Variants in ZDHHC19 observed in about 807,000 individuals in gnomAD.
ZDHHC19 encodes palmitoyltransferase ZDHHC19.
Under a neutral mutation model 33.9 loss-of-function variants are expected in ZDHHC19, and 30 were observed. The ratio of observed to expected loss-of-function variants is 0.88; its 90% CI spans 0.66 to 1.20. The LOEUF is 1.20. ZDHHC19 is among the 50% of genes most tolerant of loss of function. ZDHHC19 has a pLI of 0.00. For synonymous variants in ZDHHC19, 178 were observed against 167.6 expected (o/e 1.06, Z -0.48); for missense variants, 364 against 401.1 (o/e 0.91, Z 0.79).
At chr3:196,207,808 C>G (rs1317049034) in intron 4 of ZDHHC19, among the ~76,000 whole-genome samples, 2 of 111,364 alleles carry the variant, frequency 1.8e-5, no homozygotes, top group Middle Eastern at 8.1e-3. Context: ...CCCACCCGCC[C>G]CGTCCCCTGG....
intron 5 of ZDHHC19, among the ~76,000 whole-genome samples, chr3:196,201,717 T>G (rs1676154788): frequency 6.6e-6 from 1 of 151,578 alleles, no homozygotes; most frequent in African/African-American, 2.4e-5. Context: ...TGAGACTCTG[T>G]CTCAAAAAAT....
Position 196,208,480 on chromosome 3 carries a change from G to T in ZDHHC19, c.489C>A (p.Ser163=). Residue 163 remains serine (S), a synonymous_variant, in exon 4 of 8, where the codon TCC becomes TCA. Transcript: ENST00000296326. ...GCATGGCGCCCGAGTAGAGGCACAG[G>T]GACAGGACAAGCAGCATGAAGAAGC... ...NFRFFMLLVL[S]LCLYSGAMLV... is the part of the protein sequence containing the mutation. The T allele has an allele frequency of 6.2e-7, 1 of 1,614,184 alleles. No individual in the cohort carries two copies. The highest frequency in any genetic ancestry group is 8.5e-7 in the Non-Finnish European group (1 of 1,180,026).
At chr3:196,205,831 T>C (rs998538423) in intron 5 of ZDHHC19, among the ~76,000 whole-genome samples, 1 of 152,142 alleles carries the variant, frequency 6.6e-6, no homozygotes, top group Non-Finnish European at 1.5e-5. Context: ...GGCTAATTTT[T>C]GTATTTTTTG....
intron 1 of ZDHHC19, 64 bp downstream of exon 1, chr3:196,211,106 A>G (rs13079891): frequency 0.3 from 484,448 of 1,610,944 alleles, 76,291 homozygotes; most frequent in East Asian, 0.47. Flanking sequence ...CCTCCATCCT[A>G]TCATCTTCTG....
chr3:196,207,551 G>GC (rs1577327484), intron 4 of ZDHHC19, 48 bp from the exon 5 acceptor site: 4 of 1,290,324 alleles, frequency 3.1e-6, no homozygotes, highest in East Asian at 6.7e-5. Context: ...GCCTGGCCCC[G>GC]CCCCCCAGGC....
At chr3:196,205,525 G>T (rs998780989) in intron 5 of ZDHHC19, among the ~76,000 whole-genome samples, 1 of 152,154 alleles carries the variant, frequency 6.6e-6, no homozygotes, top group Non-Finnish European at 1.5e-5. Flanking sequence ...CTGATTTTTG[G>T]GTGGGATGGA....
chr3:196,197,865 C>T lies in ZDHHC19; in HGVS notation c.*20-140G>A, dbSNP rs1259868488. 6.3e-6 allele frequency: 1 copy of T among 158,806 alleles called. No homozygotes were observed. Among genetic ancestry groups the T allele is most frequent in the Non-Finnish European group, 1.4e-5 (1 of 72,834 alleles). 9.8% of individuals were successfully genotyped at this position (158,806 alleles called of 1,614,324 possible). ...AGAGGCCCCGGGGCGCAGGGGTTGCCCAGCCCCACGGTGGCCTCCTGATGC... is the reference window on the plus strand; with the variant it reads ...AGAGGCCCCGGGGCGCAGGGGTTGCTCAGCCCCACGGTGGCCTCCTGATGC... On this transcript the variant is annotated intron_variant, in intron 7 of 7. Coordinates refer to ENST00000296326, the MANE Select transcript of ZDHHC19 (RefSeq NM_001039617.2). This position sits in a 1 kb window ranked among gnomAD's most constrained non-coding sequence, Gnocchi z 4.4.
intron 5 of ZDHHC19, among the ~76,000 whole-genome samples, chr3:196,205,595 A>G (rs1722667830): frequency 6.6e-6 from 1 of 152,358 alleles, no homozygotes; most frequent in East Asian, 1.9e-4. Context: ...GTCAGAACTC[A>G]TACTGTATAC....
Position 196,207,473 on chromosome 3 carries a change from G to C in ZDHHC19, c.612C>G (p.Leu204=). 1 of 1,570,522 alleles carries C rather than the reference G, an allele frequency of 6.4e-7. No homozygotes were observed. The highest frequency in any genetic ancestry group is 8.6e-7 in the Non-Finnish European group (1 of 1,158,860). Residue 204 remains leucine, a synonymous_variant, in exon 5 of 8, where the codon CTC becomes CTG. Transcript: ENST00000296326. ...GCAGCAGGAGGGACAGCGGCACCAG[G>C]AGGCCCGCGGCGGACACGGCCACCA... is the stretch of plus-strand genomic sequence containing the variant. ...AIVVAVSAAG[L]LVPLSLLLLI...
intron 5 of ZDHHC19, among the ~76,000 whole-genome samples, chr3:196,201,698 A>G (rs1038161106): frequency 3.3e-5 from 5 of 151,956 alleles, no homozygotes; most frequent in East Asian, 1.9e-4. Context: ...TCCAGCCTGG[A>G]CGACAGAGTG....
Position 196,209,394 on chromosome 3 carries a change from C to G in ZDHHC19, c.390G>C (p.Trp130Cys), listed in dbSNP as rs550075729. The G allele has an allele frequency of 6.2e-7, 1 of 1,603,948 alleles. No homozygotes were observed. The highest frequency in any genetic ancestry group is 8.5e-7 in the Non-Finnish European group (1 of 1,175,722). ...HRPPRTYHCP[W>C]CNICVEDFDH... ...CACTCACCTCCACACAGATGTTGCA[C>G]CAGGGGCAGTGGTAAGTCCGGGGCG... The change falls in exon 3 of 8, where the codon TGG becomes TGC. Residue 130 changes from tryptophan (W) to cysteine (C), a missense_variant. Physicochemically the swap from Trp to Cys is radical, Grantham distance 215. Coordinates refer to ENST00000296326, the MANE Select transcript of ZDHHC19 (RefSeq NM_001039617.2).
At chr3:196,208,684 C>T (rs1171924572) in intron 3 of ZDHHC19, 124 bp from the exon 4 acceptor site, 1 of 1,143,036 alleles carries the variant, frequency 8.7e-7, no homozygotes, top group South Asian at 1.6e-5. Context: ...GCACTGGCTT[C>T]CACCCCCAGG....
At chr3:196,210,780 A>C in intron 1 of ZDHHC19, 43 bp from the exon 2 acceptor site, 2 of 1,601,792 alleles carry the variant, frequency 1.2e-6, no homozygotes. Context: ...GGGCAGCCCA[A>C]AGCCCCCGGC....
Position 196,200,416 on chromosome 3 carries a change from G to A in ZDHHC19, c.688-1542C>T, listed in dbSNP as rs1190220297. ...GTCACCCAGGCTGGAGTGCAGTGGC[G>A]CGATCTCAGCTCACTGCAAGCTCCG... On this transcript the variant is annotated intron_variant, in intron 5 of 7. Transcript: ENST00000296326. 1.6e-4 allele frequency among the ~76,000 whole-genome samples: 23 copies of A among 140,930 alleles called. 1 individual carries two copies. The highest frequency in any genetic ancestry group is 4.0e-4 in the African/African-American group (15 of 37,732). The allele number at this position is 140,930 out of a possible 152,430, so 92.5% of individuals were successfully genotyped here.
intron 5 of ZDHHC19, 148 bp from the exon 6 acceptor site, chr3:196,199,022 C>A: frequency 1.5e-6 from 1 of 660,542 alleles, no homozygotes; most frequent in Non-Finnish European, 2.7e-6. Flanking sequence ...AAGGACCTCC[C>A]CACCACTGCC....
chr3:196,207,374 C>G (rs773549565), intron 5 of ZDHHC19, 24 bp downstream of exon 5: 5 of 1,545,194 alleles, frequency 3.2e-6, no homozygotes, highest in Non-Finnish European at 4.4e-6. Flanking sequence ...GAGGTGCAAG[C>G]TGACCACCCG....
chr3:196,201,650 G>T (rs1029570822), intron 5 of ZDHHC19, among the ~76,000 whole-genome samples: 2 of 152,046 alleles, frequency 1.3e-5, no homozygotes, highest in African/African-American at 4.8e-5. Context: ...GAACCTAGGA[G>T]GTGGAGGTTG....
intron 6 of ZDHHC19, 41 bp downstream of exon 6, chr3:196,198,748 C>A: frequency 1.9e-6 from 3 of 1,610,396 alleles, no homozygotes; most frequent in Non-Finnish European, 2.5e-6. Flanking sequence ...TCTGCCCCAC[C>A]CCCAGGGTTC....
Position 196,208,462 on chromosome 3 carries a change from G to T in ZDHHC19, c.507C>A (p.Gly169=). The change falls in exon 4 of 8, where the codon GGC becomes GGA. Residue 169 remains glycine (G), a synonymous_variant. Coordinates refer to ENST00000296326, the MANE Select transcript of ZDHHC19 (RefSeq NM_001039617.2). ...AGATGAGACAGGTGACCAGCATGGC[G>T]CCCGAGTAGAGGCACAGGGACAGGA... is the stretch of plus-strand genomic sequence containing the variant. ...LLVLSLCLYS[G]AMLVTCLIFL... The T allele has an allele frequency of 6.2e-7, 1 of 1,614,166 alleles. No homozygotes were observed. The highest frequency in any genetic ancestry group is 8.5e-7 in the Non-Finnish European group (1 of 1,180,014).
Sources: allele counts gnomAD v4.1 joint callset (sites outside exome capture counted in the v4.1 genomes callset), GRCh38; gene constraint gnomAD v4.1.1; non-coding constraint Gnocchi (gnomAD v3.1); transcripts MANE v1.5; gene names NCBI Gene and HGNC (gene_info 2026-07-23, HGNC 2026-07-21).